The following CGNL1 variants were observed in gnomAD, a reference collection of about 807,000 sequenced individuals.
The protein encoded by CGNL1 is cingulin-like protein 1.
Under a neutral mutation model 141.2 loss-of-function variants are expected in CGNL1, and 132 were observed. The observed-to-expected ratio is 0.93, with a 90% CI of 0.81 to 1.08. CGNL1 has a LOEUF of 1.08. Ranked by LOEUF, CGNL1 falls within the 50% of genes least tolerant of loss-of-function variation. CGNL1 has a pLI of 0.00. For missense variants in CGNL1, 1,870 were observed against 1,588.6 expected (o/e 1.18, Z -3.01); for synonymous variants, 690 against 622.1 (o/e 1.11, Z -1.63).
intron 8 of CGNL1, among the ~76,000 whole-genome samples, chr15:57,494,678 AT>A (rs1317138959): frequency 3.3e-5 from 5 of 152,214 alleles, no homozygotes; most frequent in Non-Finnish European, 5.9e-5. Flanking sequence ...ACTGGTGTGC[AT>A]TACATTTTCC....
intron 4 of CGNL1, among the ~76,000 whole-genome samples, chr15:57,446,665 CT>C (rs11327140): frequency 0.4 from 46,503 of 116,296 alleles, 5,046 homozygotes; most frequent in Middle Eastern, 0.49. Flanking sequence ...CTGAACATTA[CT>C]TTTTTTTTTT....
intron 1 of CGNL1, among the ~76,000 whole-genome samples, chr15:57,436,083 C>A (rs576052614): frequency 1.3e-5 from 2 of 152,144 alleles, no homozygotes; most frequent in African/African-American, 4.8e-5. Flanking sequence ...AAGCAGAAAT[C>A]AAAACCCCAA....
chr15:57,515,884 T>C (rs1244329913), intron 8 of CGNL1, among the ~76,000 whole-genome samples: 1 of 151,432 alleles, frequency 6.6e-6, no homozygotes. Context: ...CTGGGCCGGG[T>C]GTGGTGGCTC....
intron 15 of CGNL1, among the ~76,000 whole-genome samples, 173 bp from the exon 16 acceptor site, chr15:57,544,300 T>A (rs1322063018): frequency 6.6e-6 from 1 of 152,232 alleles, no homozygotes; most frequent in African/African-American, 2.4e-5. Context: ...GTTCAGGGGT[T>A]TTCCTTGGAA....
intron 8 of CGNL1, among the ~76,000 whole-genome samples, chr15:57,482,871 G>T (rs2063743001): frequency 6.6e-6 from 1 of 151,018 alleles, no homozygotes; most frequent in Non-Finnish European, 1.5e-5. Flanking sequence ...TGCAACCTCT[G>T]CCTTCCGGAT....
intron 7 of CGNL1, among the ~76,000 whole-genome samples, chr15:57,456,524 A>G (rs1371370613): frequency 6.6e-6 from 1 of 152,210 alleles, no homozygotes; most frequent in Non-Finnish European, 1.5e-5. Flanking sequence ...GTTTAAAAAA[A>G]AAAAGAAGGG....
chr15:57,528,667 A>T lies in CGNL1; in HGVS notation c.3053A>T (p.Glu1018Val). The T allele has an allele frequency of 6.2e-7, 1 of 1,614,076 alleles. No homozygotes were observed. The highest frequency in any genetic ancestry group is 1.1e-5 in the South Asian group (1 of 91,074). The stretch of plus-strand genomic sequence containing the variant: ...CTCTCCTCCTAGATGCGTCTGATGG[A>T]GGAAGAGTTACGGGACTACCAGAGA... ...MKMQDEMRLM[E>V]EELRDYQRAQ... Residue 1018 changes from glutamate to valine, a missense_variant, in exon 13 of 19, where the codon GAG becomes GTG. Coordinates refer to ENST00000281282, the MANE Select transcript of CGNL1 (RefSeq NM_032866.5).
At chr15:57,539,750 A>T (rs1595813066) in intron 14 of CGNL1, among the ~76,000 whole-genome samples, 1 of 152,068 alleles carries the variant, frequency 6.6e-6, no homozygotes. Context: ...CTCCCCTGAC[A>T]TGGGGGGTTG....
chr15:57,463,451 A>T (rs76303462), intron 8 of CGNL1, among the ~76,000 whole-genome samples: 1 of 152,174 alleles, frequency 6.6e-6, no homozygotes. Flanking sequence ...ATTGACCCAT[A>T]TCAGTCTGTA....
Position 57,464,553 on chromosome 15 carries a change from T to A in CGNL1, c.2403+2661T>A, listed in dbSNP as rs527939360. Among the ~76,000 whole-genome samples, 143 of 152,230 alleles carry A rather than the reference T, an allele frequency of 9.4e-4. 1 individual carries two copies. Among genetic ancestry groups the A allele is most frequent in the African/African-American group, 3.1e-3 (127 of 41,544 alleles). The stretch of plus-strand genomic sequence containing the variant: ...ATTTCCTTTCTGACTGGGTTTTCAG[T>A]CCCTGCCATGTAGTTCCTGTTGAAT... On this transcript the variant is annotated intron_variant, in intron 8 of 18. Coordinates refer to ENST00000281282, the MANE Select transcript of CGNL1 (RefSeq NM_032866.5).
intron 7 of CGNL1, among the ~76,000 whole-genome samples, chr15:57,459,710 A>G (rs950948598): frequency 2.6e-5 from 4 of 152,220 alleles, no homozygotes; most frequent in Admixed American, 2.0e-4. Flanking sequence ...GATGTTGCAG[A>G]ACTAACTTTT....
At chr15:57,528,212 G>A (rs778327945) in intron 12 of CGNL1, among the ~76,000 whole-genome samples, 3 of 151,228 alleles carry the variant, frequency 2.0e-5, no homozygotes, top group Non-Finnish European at 2.9e-5. Flanking sequence ...AGCCAAGATC[G>A]CACCACTGCA....
chr15:57,397,566 T>C (rs1723506465), intron 1 of CGNL1, among the ~76,000 whole-genome samples: 1 of 152,106 alleles, frequency 6.6e-6, no homozygotes, highest in Non-Finnish European at 1.5e-5. Context: ...ATAAAAGTAA[T>C]AGAATCACAT....
intron 8 of CGNL1, among the ~76,000 whole-genome samples, chr15:57,479,163 G>T (rs2063693281): frequency 6.6e-6 from 1 of 152,142 alleles, no homozygotes. Context: ...ACATTGGCTG[G>T]CACCTTTATC....
At chr15:57,424,552 C>T (rs892516489) in intron 1 of CGNL1, among the ~76,000 whole-genome samples, 6 of 152,166 alleles carry the variant, frequency 3.9e-5, no homozygotes, top group African/African-American at 1.4e-4. Flanking sequence ...TCAGCATGTC[C>T]CAGATGAGCT....
intron 8 of CGNL1, among the ~76,000 whole-genome samples, chr15:57,467,686 CTTTTTT>C (rs140789370): frequency 9.3e-6 from 1 of 107,414 alleles, no homozygotes. Flanking sequence ...GAGTCTCTGT[CTTTTTT>C]TTTTTTTTTT....
chr15:57,458,909 T>A (rs561537927), intron 7 of CGNL1, among the ~76,000 whole-genome samples: 1 of 152,342 alleles, frequency 6.6e-6, no homozygotes, highest in South Asian at 2.1e-4. Flanking sequence ...GCTAGTTAGA[T>A]TCTTGATGGG....
chr15:57,377,307 T>C (rs1245477131), intron 1 of CGNL1: 2 of 152,378 alleles, frequency 1.3e-5, no homozygotes, highest in African/African-American at 4.8e-5. Context: ...TCGCTGGGAA[T>C]GCTTTTGCGG....
intron 1 of CGNL1, among the ~76,000 whole-genome samples, chr15:57,425,079 TTTACA>T (rs1395885338): frequency 6.6e-6 from 1 of 152,206 alleles, no homozygotes; most frequent in Non-Finnish European, 1.5e-5. Context: ...TAGAGGCATC[TTTACA>T]TTATACAGGC....
Sources: gnomAD v4.1 joint callset for allele counts (sites outside exome capture counted in the v4.1 genomes callset) on GRCh38, gnomAD v4.1.1 for gene constraint, MANE v1.5 for transcripts, NCBI Gene and HGNC (gene_info 2026-07-23, HGNC 2026-07-21) for gene names.